The following PAQR7 variants were observed in gnomAD, a reference collection of about 807,000 sequenced individuals.
PAQR7 encodes the protein membrane progestin receptor alpha.
Under a neutral mutation model 24.6 loss-of-function variants are expected in PAQR7, and 14 were observed. The ratio of observed to expected loss-of-function variants is 0.57; its 90% CI spans 0.38 to 0.89. PAQR7 has a LOEUF of 0.89. Among genes scored for constraint, PAQR7 ranks in the 40% least tolerant of loss-of-function variants. The pLI is 0.00. For missense variants in PAQR7, 351 were observed against 444.0 expected (o/e 0.79, Z 1.88); for synonymous variants, 189 against 198.8 (o/e 0.95, Z 0.42).
chr1:25,873,624 T>C (rs72881345), intron 1 of PAQR7, among the ~76,000 whole-genome samples: 14,406 of 151,948 alleles, frequency 0.095, 2,211 homozygotes, highest in African/African-American at 0.32. Flanking sequence ...TGTCCCCAGG[T>C]TGAAGTGCAG....
rs1034406059 is a variant in PAQR7 at position 25,875,587 on chromosome 1, G to A, written c.-208C>T. ...GCGGCCCCGCCCCAAGCCGGGGGAG[G>A]GCGGGCGGCCTCGGGCGCTCTGGCT... On this transcript the variant is annotated 5_prime_UTR_variant, in exon 1 of 3. Transcript: ENST00000675840. The surrounding 1 kb of genome is among the most constrained non-coding windows in gnomAD (Gnocchi z 5.4). Among the ~76,000 whole-genome samples the A allele has an allele frequency of 9.9e-5, 15 of 151,606 alleles. No homozygotes were observed. The highest frequency in any genetic ancestry group is 1.6e-4 in the Non-Finnish European group (11 of 67,846).
chr1:25,869,052 G>A (rs376999415), intron 2 of PAQR7, among the ~76,000 whole-genome samples: 16 of 151,946 alleles, frequency 1.1e-4, no homozygotes, highest in African/African-American at 2.9e-4. Flanking sequence ...CCTTGAACCC[G>A]GGAGGCGGAG....
Position 25,862,958 on chromosome 1 carries a change from T to G in PAQR7, c.882A>C (p.Ala294=), listed in dbSNP as rs766203386. ...LCTLAQLEAV[A]LDYEARRPIY... ...TGGGCCGTCGGGCCTCATAGTCCAG[T>G]GCCACAGCCTCCAGCTGAGCCAGCG... Residue 294 remains alanine (A), a synonymous_variant, in exon 3 of 3, where the codon GCA becomes GCC. Coordinates refer to ENST00000675840, the MANE Select transcript of PAQR7 (RefSeq NM_178422.6). 1.2e-6 allele frequency: 2 copies of G among 1,613,908 alleles called. No individual in the cohort carries two copies. Among genetic ancestry groups the G allele is most frequent in the African/African-American group, 1.3e-5 (1 of 74,878 alleles).
intron 2 of PAQR7, among the ~76,000 whole-genome samples, chr1:25,866,989 C>T (rs1320461820): frequency 6.6e-6 from 1 of 152,038 alleles, no homozygotes; most frequent in Non-Finnish European, 1.5e-5. Flanking sequence ...CCTTGGCCTC[C>T]CAAAGTGTTG....
Position 25,863,440 on chromosome 1 carries a change from A to G in PAQR7, c.400T>C (p.Trp134Arg). The change falls in exon 3 of 3, where the codon TGG becomes CGG. Residue 134 changes from tryptophan (W) to arginine (R), a missense_variant. Coordinates refer to ENST00000675840, the MANE Select transcript of PAQR7 (RefSeq NM_178422.6). This position sits in a 1 kb window ranked among gnomAD's most constrained non-coding sequence, Gnocchi z 6.1. ...TCCAGGAAGAAGAAGCTGTAATGCC[A>G]GAACTCAGACTTGGCCTGCAGGAGG... ...AHLLQAKSEF[W>R]HYSFFFLDYV... 6.2e-7 allele frequency: 1 copy of G among 1,614,252 alleles called. No individual in the cohort carries two copies. The highest frequency in any genetic ancestry group is 8.5e-7 in the Non-Finnish European group (1 of 1,180,038).
chr1:25,863,886 C>A lies in PAQR7; in HGVS notation c.-22-25G>T. The A allele has an allele frequency of 6.4e-7, 1 of 1,551,354 alleles. No homozygotes were observed. Among genetic ancestry groups the A allele is most frequent in the South Asian group, 1.2e-5 (1 of 82,756 alleles). On this transcript the variant is annotated intron_variant, in intron 2 of 2. Coordinates refer to ENST00000675840, the MANE Select transcript of PAQR7 (RefSeq NM_178422.6). This position sits in a 1 kb window ranked among gnomAD's most constrained non-coding sequence, Gnocchi z 6.1. ...GCTGGGAGAGAGACCAGAGCAAAGT[C>A]AGGGGCCTGGTGTCCTCACCCCCAC...
At chr1:25,873,979 C>G (rs892854969) in intron 1 of PAQR7, among the ~76,000 whole-genome samples, 16 of 152,122 alleles carry the variant, frequency 1.1e-4, no homozygotes, top group African/African-American at 3.6e-4. Context: ...CGCCTCCCGG[C>G]TTCAAGCGAT....
intron 2 of PAQR7, among the ~76,000 whole-genome samples, chr1:25,867,427 A>C (rs76004519): frequency 0.022 from 3,340 of 152,294 alleles, 54 homozygotes; most frequent in South Asian, 0.035. Context: ...TCAATTACAT[A>C]ATTCAGGCTT....
At position 25,863,008 on chromosome 1, in the gene PAQR7, A is replaced by T. The variant is rs538223077; in HGVS notation, c.832T>A (p.Phe278Ile). Residue 278 changes from phenylalanine to isoleucine, a missense_variant, in exon 3 of 3, where the codon TTC (phenylalanine) becomes ATC (isoleucine). By Grantham distance (21) the Phe-to-Ile change is conservative. Transcript: ENST00000675840. This position sits in a 1 kb window ranked among gnomAD's most constrained non-coding sequence, Gnocchi z 6.1. ...CHVFGQGHQL[F>I]HIFLVLCTLA... is the part of the protein sequence containing the mutation. Reference sequence around the variant, plus strand: ...GTGCACAGCACCAAGAAGATGTGGAAAAGTTGGTGGCCCTGCCCGAAGACA... The same window carrying T: ...GTGCACAGCACCAAGAAGATGTGGATAAGTTGGTGGCCCTGCCCGAAGACA... 6.2e-7 allele frequency: 1 copy of T among 1,614,164 alleles called. No individual in the cohort carries two copies. The highest frequency in any genetic ancestry group is 1.1e-5 in the South Asian group (1 of 91,084).
Position 25,875,113 on chromosome 1 carries a change from A to C in PAQR7, c.-109+375T>G. Among the ~76,000 whole-genome samples, 1 of 151,140 alleles carries C rather than the reference A, an allele frequency of 6.6e-6. No individual in the cohort carries two copies. Among genetic ancestry groups the C allele is most frequent in the South Asian group, 2.1e-4 (1 of 4,764 alleles). On this transcript the variant is annotated intron_variant, in intron 1 of 2. Coordinates refer to ENST00000675840, the MANE Select transcript of PAQR7 (RefSeq NM_178422.6). The surrounding 1 kb of genome is among the most constrained non-coding windows in gnomAD (Gnocchi z 5.4). ...CGCCCCTACCCACTCCCTGCCCTCC[A>C]TCCTTCATTTTCTCCAAGCAGCCCT...
At chr1:25,871,521 G>C (rs1197411138) in intron 1 of PAQR7, among the ~76,000 whole-genome samples, 1 of 152,076 alleles carries the variant, frequency 6.6e-6, no homozygotes. Context: ...GTCAGCCTGA[G>C]CCGCTCCTTC....
intron 2 of PAQR7, among the ~76,000 whole-genome samples, chr1:25,864,499 G>A (rs963064002): frequency 4.6e-5 from 7 of 152,142 alleles, no homozygotes; most frequent in Admixed American, 1.3e-4. Flanking sequence ...TACACGAGCC[G>A]TTCCCTCTGC....
intron 2 of PAQR7, among the ~76,000 whole-genome samples, chr1:25,865,638 T>C (rs1301478830): frequency 6.6e-6 from 1 of 152,068 alleles, no homozygotes; most frequent in Non-Finnish European, 1.5e-5. Flanking sequence ...TGAAACCTCA[T>C]CTCTACTAAA....
Position 25,871,421 on chromosome 1 carries a change from C to T in PAQR7, c.-108-727G>A, listed in dbSNP as rs562653499. 3.9e-5 allele frequency among the ~76,000 whole-genome samples: 6 copies of T among 152,250 alleles called. No individual in the cohort carries two copies. In the South Asian group the frequency reaches 6.2e-4, roughly 16 times the overall value. On this transcript the variant is annotated intron_variant, in intron 1 of 2. Transcript: ENST00000675840. The stretch of plus-strand genomic sequence containing the variant: ...GTGATCCAAATGGCATATGGTCTGG[C>T]CTGGACATGTCTTGCAGAAGGTTTG...
intron 1 of PAQR7, among the ~76,000 whole-genome samples, chr1:25,872,830 A>G (rs1396058997): frequency 6.6e-6 from 1 of 152,002 alleles, no homozygotes; most frequent in Non-Finnish European, 1.5e-5. Flanking sequence ...ATATATTAAT[A>G]CCCTGCCCTC....
rs1370685114 is a variant in PAQR7, at chr1:25,875,319, C to G, written c.-109+169G>C. ...TCCTCTCACTTAGCCCAGGTGCTCC[C>G]CTCCGGCTCCGCGTCCTGCCTGTCT... On this transcript the variant is annotated intron_variant, in intron 1 of 2. Transcript: ENST00000675840. The surrounding 1 kb of genome is among the most constrained non-coding windows in gnomAD (Gnocchi z 5.4). Among the ~76,000 whole-genome samples the G allele has an allele frequency of 6.6e-6, 1 of 152,214 alleles. No homozygotes were observed. The highest frequency in any genetic ancestry group is 1.5e-5 in the Non-Finnish European group (1 of 68,032).
rs1266740623 is a variant in PAQR7 at position 25,863,982 on chromosome 1, G to A, written c.-22-121C>T. 6 of 721,054 alleles carry A rather than the reference G, an allele frequency of 8.3e-6. No homozygotes were observed. The highest frequency in any genetic ancestry group is 2.7e-5 in the East Asian group (1 of 36,816). The allele number at this position is 721,054 out of a possible 1,614,324, so 44.7% of individuals were successfully genotyped here. ...CTCCGACAGCCTTATCCTTACACTC[G>A]GTTTAAGAACAGAAGACTCATCCTA... On this transcript the variant is annotated intron_variant, in intron 2 of 2. Coordinates refer to ENST00000675840, the MANE Select transcript of PAQR7 (RefSeq NM_178422.6). The surrounding 1 kb of genome is among the most constrained non-coding windows in gnomAD (Gnocchi z 6.1).
chr1:25,875,287 G>C lies in PAQR7; in HGVS notation c.-109+201C>G, dbSNP rs2048641523. Among the ~76,000 whole-genome samples, 1 of 152,178 alleles carries C rather than the reference G, an allele frequency of 6.6e-6. No homozygotes were observed. The highest frequency in any genetic ancestry group is 2.4e-5 in the African/African-American group (1 of 41,430). On this transcript the variant is annotated intron_variant, in intron 1 of 2. Coordinates refer to ENST00000675840, the MANE Select transcript of PAQR7 (RefSeq NM_178422.6). The surrounding 1 kb of genome is among the most constrained non-coding windows in gnomAD (Gnocchi z 5.4). The stretch of plus-strand genomic sequence containing the variant: ...CGCCCTCCGCTGGCTGCTTCCCCGG[G>C]CGGGCGTCCTCTCACTTAGCCCAGG...
In PAQR7 at chr1:25,863,512, T is replaced by C; in HGVS notation, c.328A>G (p.Ile110Val). ...GDPHALPLFI[I>V]VLASFTYLSF... Reference sequence around the variant, plus strand: ...AGGTAGGTGAAAGAGGCAAGGACAATGATGAAGAGGGGCAGGGCGTGTGGG... The same window carrying C: ...AGGTAGGTGAAAGAGGCAAGGACAACGATGAAGAGGGGCAGGGCGTGTGGG... Residue 110 changes from isoleucine to valine, a missense_variant, in exon 3 of 3, where the codon ATT (isoleucine) becomes GTT (valine). Coordinates refer to ENST00000675840, the MANE Select transcript of PAQR7 (RefSeq NM_178422.6). This position sits in a 1 kb window ranked among gnomAD's most constrained non-coding sequence, Gnocchi z 6.1. The C allele has an allele frequency of 2.5e-6, 4 of 1,613,748 alleles. No individual in the cohort carries two copies. The highest frequency in any genetic ancestry group is 3.4e-6 in the Non-Finnish European group (4 of 1,179,934).
Sources: allele counts gnomAD v4.1 joint callset (sites outside exome capture counted in the v4.1 genomes callset), GRCh38; gene constraint gnomAD v4.1.1; non-coding constraint Gnocchi (gnomAD v3.1); transcripts MANE v1.5; gene names NCBI Gene and HGNC (gene_info 2026-07-23, HGNC 2026-07-21).